The following UBQLN4 variants were observed in gnomAD, a reference collection of about 807,000 sequenced individuals.
The protein encoded by UBQLN4 is ubiquilin 4.
A neutral mutation model predicts 60.4 loss-of-function variants in UBQLN4; 11 were observed. The observed-to-expected ratio is 0.18, with a 90% CI of 0.11 to 0.30. The LOEUF (loss-of-function observed/expected upper bound fraction) is 0.30, where lower values mean the gene tolerates loss of function less well. Ranked by LOEUF, UBQLN4 falls within the 10% of genes least tolerant of loss-of-function variation. The pLI is 1.00. For synonymous variants in UBQLN4, 258 were observed against 313.1 expected (o/e 0.82, Z 1.86); for missense variants, 417 against 795.5 (o/e 0.52, Z 5.72).
rs773113893 is a variant in UBQLN4, at chr1:156,051,238, G to A, written c.350C>T (p.Thr117Ile). 5 of 1,601,388 alleles carry A rather than the reference G, an allele frequency of 3.1e-6. No individual in the cohort carries two copies. Among genetic ancestry groups the A allele is most frequent in the Non-Finnish European group, 4.3e-6 (5 of 1,173,442 alleles). Residue 117 changes from threonine (T) to isoleucine (I), a missense_variant, in exon 3 of 11, where the codon ACC (threonine) becomes ATC (isoleucine). Coordinates refer to ENST00000368309, the MANE Select transcript of UBQLN4 (RefSeq NM_020131.5). ...GCCAGAGGTGGAGGGCTGGGCAGGG[G>A]TGGCGGGTGAAGCAGGCGTGGTGGA... ...APSTTPASPA[T>I]PAQPSTSGSA...
downstream of UBQLN4, among the ~76,000 whole-genome samples, chr1:156,031,554 C>T (rs913359573): frequency 1.3e-5 from 2 of 151,272 alleles, no homozygotes; most frequent in Admixed American, 6.6e-5. Flanking sequence ...TGCTCTTAAA[C>T]GCACTTGGTA....
At position 156,036,260 on chromosome 1, in the gene UBQLN4, C is replaced by T. The variant is rs1010624717; in HGVS notation, c.*718G>A. 20 of 985,462 alleles carry T rather than the reference C, an allele frequency of 2.0e-5. No homozygotes were observed. The African/African-American group carries it at 3.5e-4, about 17-fold the overall frequency. 61.0% of individuals were successfully genotyped at this position (985,462 alleles called of 1,614,324 possible). A position where few individuals can be genotyped will look rare whatever the true frequency, so the allele number is the denominator to read the frequency against. ...CCAAGCCTTTTACTCAGGCTGTCTC[C>T]CCCATTCCCTTCCTCCGAATAATCT... On this transcript the variant is annotated 3_prime_UTR_variant, in exon 11 of 11. Coordinates refer to ENST00000368309, the MANE Select transcript of UBQLN4 (RefSeq NM_020131.5).
Position 156,051,725 on chromosome 1 carries a change from C to A in UBQLN4, c.241G>T (p.Val81Phe). ...ACTTACTTCTGAGGGGTCTTGATGA[C>A]CAGATGGACAGTGAGCCCGTCCTTG... ...GIKDGLTVHL[V>F]IKTPQKAQDP... The change falls in exon 2 of 11, where the codon GTC becomes TTC. Residue 81 changes from valine (V) to phenylalanine (F), a missense_variant. Transcript: ENST00000368309. 1 of 1,613,750 alleles carries A rather than the reference C, an allele frequency of 6.2e-7. No homozygotes were observed. Among genetic ancestry groups the A allele is most frequent in the Non-Finnish European group, 8.5e-7 (1 of 1,179,992 alleles).
At chr1:156,040,744 G>A (rs1003050964) in intron 10 of UBQLN4, among the ~76,000 whole-genome samples, 1 of 152,124 alleles carries the variant, frequency 6.6e-6, no homozygotes, top group Non-Finnish European at 1.5e-5. Flanking sequence ...GAGCCACCGC[G>A]CCCAGCCAGT....
rs557258585 is a variant in UBQLN4, at chr1:156,044,035, C to G, written c.1089G>C (p.Ser363=). The G allele has an allele frequency of 1.2e-6, 2 of 1,610,308 alleles. No individual in the cohort carries two copies. Among genetic ancestry groups the G allele is most frequent in the Admixed American group, 1.7e-5 (1 of 59,532 alleles). Residue 363 remains serine (S), a synonymous_variant, in exon 6 of 11, where the codon TCG becomes TCC. Coordinates refer to ENST00000368309, the MANE Select transcript of UBQLN4 (RefSeq NM_020131.5). ...SGTSQVHPTV[S]NPFGINAASL... ...TAGCCGCATTGATCCCAAAGGGGTT[C>G]GAGACTGTCGGGTGCACCTGGCTGG...
intron 1 of UBQLN4, 27 bp downstream of exon 1, chr1:156,053,566 TC>T (rs1359842016): frequency 5.4e-5 from 40 of 742,396 alleles, no homozygotes; most frequent in Non-Finnish European, 5.6e-5. Context: ...TCCTCCGCGC[TC>T]CCCCCGCCCC....
chr1:156,051,278 G>T lies in UBQLN4; in HGVS notation c.310C>A (p.Pro104Thr). 6.4e-7 allele frequency: 1 copy of T among 1,568,232 alleles called. No homozygotes were observed. The highest frequency in any genetic ancestry group is 8.7e-7 in the Non-Finnish European group (1 of 1,155,514). Residue 104 changes from proline to threonine, a missense_variant, in exon 3 of 11, where the codon CCT becomes ACT. By Grantham distance (38) the Pro-to-Thr change is conservative. Transcript: ENST00000368309. ...GGCGTGGTGGAGGGTGCTGAGGCAG[G>T]GTCAGGTGTGGAGGGGGAAGAAGCA... Reference protein sequence around the residue: ...ATASSPSTPDPASAPSTTPAS... With the variant: ...ATASSPSTPDTASAPSTTPAS...
chr1:156,040,901 A>G (rs533165276), intron 10 of UBQLN4, among the ~76,000 whole-genome samples: 1 of 152,184 alleles, frequency 6.6e-6, no homozygotes, highest in Admixed American at 6.5e-5. Flanking sequence ...TAAGAGGCTC[A>G]CTCGAGGTAG....
Position 156,051,283 on chromosome 1 carries a change from G to A in UBQLN4, c.305C>T (p.Pro102Leu), listed in dbSNP as rs753359131. 1.3e-6 allele frequency: 2 copies of A among 1,565,284 alleles called. No individual in the cohort carries two copies. The highest frequency in any genetic ancestry group is 1.7e-6 in the Non-Finnish European group (2 of 1,153,828). ...AAATASSPSTPDPASAPSTTP... is the reference protein window; with the variant it reads ...AAATASSPSTLDPASAPSTTP... ...GGTGGAGGGTGCTGAGGCAGGGTCAGGTGTGGAGGGGGAAGAAGCAGTGGC... is the reference window on the plus strand; with the variant it reads ...GGTGGAGGGTGCTGAGGCAGGGTCAAGTGTGGAGGGGGAAGAAGCAGTGGC... Residue 102 changes from proline to leucine, a missense_variant, in exon 3 of 11, where the codon CCT becomes CTT. Physicochemically the swap from Pro to Leu is moderately conservative, Grantham distance 98. Transcript: ENST00000368309.
intron 7 of UBQLN4, chr1:156,042,449 G>C: frequency 7.1e-7 from 1 of 1,403,666 alleles, no homozygotes; most frequent in South Asian, 1.7e-5. Flanking sequence ...AGCCTGCTCA[G>C]CCCTGGGTCT....
chr1:156,050,368 T>G lies in UBQLN4; in HGVS notation c.664A>C (p.Asn222His). 1 of 1,613,478 alleles carries G rather than the reference T, an allele frequency of 6.2e-7. No homozygotes were observed. Among genetic ancestry groups the G allele is most frequent in the Non-Finnish European group, 8.5e-7 (1 of 1,179,494 alleles). ...PDLMRHMIMA[N>H]PQMQQLMERN... ...TCCATCAACTGCTGCATCTGGGGGT[T>G]GGCCATAATCATGTGACGCATCAGA... Residue 222 changes from asparagine to histidine, a missense_variant, in exon 4 of 11, where the codon AAC becomes CAC. By Grantham distance (68) the Asn-to-His change is moderately conservative. Coordinates refer to ENST00000368309, the MANE Select transcript of UBQLN4 (RefSeq NM_020131.5). This position sits in a 1 kb window ranked among gnomAD's most constrained non-coding sequence, Gnocchi z 4.6.
intron 10 of UBQLN4, among the ~76,000 whole-genome samples, chr1:156,040,086 T>G (rs886998200): frequency 4.6e-5 from 7 of 151,754 alleles, no homozygotes; most frequent in Admixed American, 4.6e-4. Context: ...TAAGGCCCCC[T>G]GACTTGCAGT....
rs1018272857 is a variant in UBQLN4, at chr1:156,050,278, C to T, written c.741+13G>A. 9.0e-6 allele frequency: 14 copies of T among 1,552,778 alleles called. No homozygotes were observed. The highest frequency in any genetic ancestry group is 1.2e-5 in the Non-Finnish European group (14 of 1,143,918). On this transcript the variant is annotated intron_variant, in intron 4 of 10. Transcript: ENST00000368309. This position sits in a 1 kb window ranked among gnomAD's most constrained non-coding sequence, Gnocchi z 4.6. Reference sequence around the variant, plus strand: ...ACCAGTGTCCTCCAGCTCTCCAGCCCTCTCATACTCACCTGCCTCATGAGT... The same window carrying T: ...ACCAGTGTCCTCCAGCTCTCCAGCCTTCTCATACTCACCTGCCTCATGAGT...
At chr1:156,053,483 C>A (rs1683939745) in intron 1 of UBQLN4, 111 bp downstream of exon 1, 1 of 842,710 alleles carries the variant, frequency 1.2e-6, no homozygotes, top group Non-Finnish European at 1.6e-6. Flanking sequence ...TCCCAGCCGG[C>A]CCCCGCCCTC....
intron 1 of UBQLN4, among the ~76,000 whole-genome samples, chr1:156,052,728 C>G (rs1683906213): frequency 6.6e-6 from 1 of 152,212 alleles, no homozygotes; most frequent in Admixed American, 6.5e-5. Context: ...AGGCTCTTAA[C>G]TAAACACACT....
intron 10 of UBQLN4, among the ~76,000 whole-genome samples, chr1:156,039,313 C>T (rs912013457): frequency 4.1e-5 from 6 of 146,762 alleles, no homozygotes; most frequent in Non-Finnish European, 7.4e-5. Context: ...TAAAATGGCA[C>T]GATCTCAGCT....
Position 156,050,167 on chromosome 1 carries a change from C to T in UBQLN4, c.741+124G>A. On this transcript the variant is annotated intron_variant, in intron 4 of 10. Coordinates refer to ENST00000368309, the MANE Select transcript of UBQLN4 (RefSeq NM_020131.5). This position sits in a 1 kb window ranked among gnomAD's most constrained non-coding sequence, Gnocchi z 4.6. ...CTAGGCCTGTCTTTTCATCCCTGTA[C>T]CTCCAGTGTTCAAAACTGCTGAATA... 2 of 1,305,834 alleles carry T rather than the reference C, an allele frequency of 1.5e-6. No individual in the cohort carries two copies. The highest frequency in any genetic ancestry group is 1.9e-5 in the South Asian group (1 of 54,018). The allele number at this position is 1,305,834 out of a possible 1,614,324, so 80.9% of individuals were successfully genotyped here.
In UBQLN4 at chr1:156,044,159, C is replaced by T. The variant is rs554671640; in HGVS notation, c.965G>A (p.Arg322Gln). The stretch of plus-strand genomic sequence containing the variant: ...AGGGAGGGGCTCTCGATTCTCAGTC[C>T]GCAGAGGCTGGGAGGATGAGCTGTC... ...NSDSSSSQPL[R>Q]TENREPLPNP... The change falls in exon 6 of 11, where the codon CGG becomes CAG. Residue 322 changes from arginine (R) to glutamine (Q), a missense_variant. Arg to Gln is a conservative substitution (Grantham distance 43, BLOSUM62 1). Transcript: ENST00000368309. The T allele has an allele frequency of 5.1e-6, 8 of 1,577,808 alleles. No individual in the cohort carries two copies. Among genetic ancestry groups the T allele is most frequent in the East Asian group, 2.3e-5 (1 of 43,722 alleles).
downstream of UBQLN4, chr1:156,033,414 T>A: frequency 2.1e-6 from 1 of 469,776 alleles, no homozygotes; most frequent in Non-Finnish European, 2.8e-6. Flanking sequence ...TTGCTAGATG[T>A]ATTCAATCCC....
Sources: allele counts gnomAD v4.1 joint callset (sites outside exome capture counted in the v4.1 genomes callset), GRCh38; gene constraint gnomAD v4.1.1; non-coding constraint Gnocchi (gnomAD v3.1); transcripts MANE v1.5; gene names NCBI Gene and HGNC (gene_info 2026-07-23, HGNC 2026-07-21).